Variants in SCRIB observed in about 807,000 individuals in gnomAD.
SCRIB encodes the protein scribble planar cell polarity protein.
In SCRIB, 72 loss-of-function variants were observed where a neutral mutation model predicts 170.0. The observed-to-expected ratio is 0.42, with a 90% CI of 0.35 to 0.52. SCRIB has a LOEUF of 0.52. Ranked by LOEUF, SCRIB falls within the 20% of genes least tolerant of loss-of-function variation. The probability of loss-of-function intolerance (pLI) is 0.02; values close to 1 mark genes in which losing one functional copy is unlikely to be tolerated. For missense variants in SCRIB, 2,475 were observed against 2,338.5 expected (o/e 1.06, Z -1.20); for synonymous variants, 1,298 against 1,044.3 (o/e 1.24, Z -4.68).
At chr8:143,801,563 C>T (rs1359680577) in intron 24 of SCRIB, among the ~76,000 whole-genome samples, 1 of 152,186 alleles carries the variant, frequency 6.6e-6, no homozygotes, top group East Asian at 1.9e-4. Flanking sequence ...AAAAGATAAG[C>T]AACCGCTGCA....
In SCRIB at chr8:143,791,728, T is replaced by C. The variant is rs1488179566; in HGVS notation, c.4708A>G (p.Lys1570Glu). 3 of 1,600,076 alleles carry C rather than the reference T, an allele frequency of 1.9e-6. No homozygotes were observed. The African/African-American group carries it at 4.0e-5, about 22-fold the overall frequency. Residue 1570 changes from lysine (K) to glutamate (E), a missense_variant, in exon 35 of 37, where the codon AAG becomes GAG. By Grantham distance (56) the Lys-to-Glu change is moderately conservative. This residue lies in a region of SCRIB where 1,966 missense variants were observed against 1,742.9 expected (regional missense o/e 1.13). Coordinates refer to ENST00000356994, the MANE Select transcript of SCRIB (RefSeq NM_182706.5). ...GCAAAGGCCCTGTAGTCAAACTTCTTTCCAGACAAGGGCTTGAAAGGACAG... is the reference window on the plus strand; with the variant it reads ...GCAAAGGCCCTGTAGTCAAACTTCTCTCCAGACAAGGGCTTGAAAGGACAG... ...TSPGRLPLSG[K>E]KFDYRAFAAL...
At position 143,813,408 on chromosome 8, in the gene SCRIB, C is replaced by CAGCCCTGGTCCCTGGGCTGT. The variant is rs1815847793; in HGVS notation, c.503+42_504-35dup. The CAGCCCTGGTCCCTGGGCTGT allele has an allele frequency of 3.7e-6, 6 of 1,613,216 alleles. No individual in the cohort carries two copies. In the African/African-American group the frequency reaches 6.7e-5, roughly 18 times the overall value. On this transcript the variant is annotated intron_variant, in intron 5 of 36. Coordinates refer to ENST00000356994, the MANE Select transcript of SCRIB (RefSeq NM_182706.5). ...GAAGCAGGGTGGAGGTGTGGCCACG[C>CAGCCCTGGTCCCTGGGCTGT]AGCCCTGGTCCCTGGGCTGTGGCCC...
chr8:143,813,035 G>A lies in SCRIB; in HGVS notation c.637C>T (p.Pro213Ser), dbSNP rs1815821699. ...WLDRNQLSAL[P>S]PELGNLRRLV... ...CCAGCCCCACCCTGACTCACCGGGG[G>A]CAGTGCTGACAGCTGGTTCCGGTCA... The change falls in exon 7 of 37, where the codon CCC (proline) becomes TCC (serine). Residue 213 changes from proline (P) to serine (S), a missense_variant. By Grantham distance (74) the Pro-to-Ser change is moderately conservative. Around this residue, in one of 3 missense-constraint regions of SCRIB, gnomAD observed 487 missense variants for 558.1 expected, o/e 0.87. Coordinates refer to ENST00000356994, the MANE Select transcript of SCRIB (RefSeq NM_182706.5). 3.8e-6 allele frequency: 6 copies of A among 1,599,588 alleles called. No individual in the cohort carries two copies. Among genetic ancestry groups the A allele is most frequent in the South Asian group, 1.1e-5 (1 of 89,300 alleles).
Position 143,804,954 on chromosome 8 carries a change from C to A in SCRIB, c.2731G>T (p.Val911Phe). The change falls in exon 20 of 37, where the codon GTT (valine) becomes TTT (phenylalanine). Residue 911 changes from valine to phenylalanine, a missense_variant. This residue lies in a region of SCRIB where 1,966 missense variants were observed against 1,742.9 expected (regional missense o/e 1.13). Transcript: ENST00000356994. ...CTCACAGAGAGGACGCGGTCGCCAACCTGCAGTGTGCCCGCGCGGTGAGCA... is the reference window on the plus strand; with the variant it reads ...CTCACAGAGAGGACGCGGTCGCCAAACTGCAGTGTGCCCGCGCGGTGAGCA... ...GAAHRAGTLQ[V>F]GDRVLSINGV... The A allele has an allele frequency of 6.4e-7, 1 of 1,573,068 alleles. No homozygotes were observed. Among genetic ancestry groups the A allele is most frequent in the Non-Finnish European group, 8.6e-7 (1 of 1,165,602 alleles).
At chr8:143,809,857 C>G (rs1009563345) in intron 13 of SCRIB, 139 bp from the exon 14 acceptor site, 1 of 960,304 alleles carries the variant, frequency 1.0e-6, no homozygotes, top group Admixed American at 2.5e-5. Context: ...CACGCCCTCG[C>G]AGCTGCTCCC....
intron 18 of SCRIB, 49 bp downstream of exon 18, chr8:143,806,358 C>A: frequency 6.9e-7 from 1 of 1,439,780 alleles, no homozygotes; most frequent in Middle Eastern, 1.7e-4. Context: ...GGACCATGTA[C>A]CTCCAGAGGG....
chr8:143,794,927 C>T (rs1814874321), intron 27 of SCRIB, 111 bp downstream of exon 27: 3 of 1,093,542 alleles, frequency 2.7e-6, no homozygotes, highest in Non-Finnish European at 4.0e-6. Flanking sequence ...TCCTCCCACC[C>T]CAGCCCCCGC....
chr8:143,815,183 CT>C, intron 1 of SCRIB, 30 bp downstream of exon 1: 1 of 1,539,086 alleles, frequency 6.5e-7, no homozygotes, highest in Non-Finnish European at 8.7e-7. Context: ...GGGGGCGCGC[CT>C]TTGGGCGGCA....
rs1483878975 is a variant in SCRIB at position 143,803,721 on chromosome 8, T to G, written c.3340A>C (p.Ser1114Arg). Residue 1114 changes from serine (S) to arginine (R), a missense_variant, in exon 23 of 37, where the codon AGC becomes CGC. Physicochemically the swap from Ser to Arg is moderately radical, Grantham distance 110. This residue lies in a region of SCRIB where 1,966 missense variants were observed against 1,742.9 expected (regional missense o/e 1.13). Transcript: ENST00000356994. ...QKAPGERLGI[S>R]IRGGARGHAG... Reference sequence around the variant, plus strand: ...TGGCCCCTGGCACCCCCGCGGATGCTGATGCCCAGCCTCTCCCCAGGTGCC... The same window carrying G: ...TGGCCCCTGGCACCCCCGCGGATGCGGATGCCCAGCCTCTCCCCAGGTGCC... The G allele has an allele frequency of 6.3e-7, 1 of 1,594,322 alleles. No homozygotes were observed. Among genetic ancestry groups the G allele is most frequent in the African/African-American group, 1.3e-5 (1 of 74,936 alleles).
rs781998900 is a variant in SCRIB at position 143,803,903 on chromosome 8, C to T, written c.3158G>A (p.Arg1053Gln). 1.7e-5 allele frequency: 27 copies of T among 1,591,526 alleles called. No individual in the cohort carries two copies. The highest frequency in any genetic ancestry group is 5.6e-5 in the South Asian group (5 of 88,818). Reference protein sequence around the residue: ...PRGLAARSGLRVGDRILAVNG... With the variant: ...PRGLAARSGLQVGDRILAVNG... ...CACTGCCAGGATGCGGTCCCCAACC[C>T]GCAGGCCGCTGCGAGCGGCCAGGCC... is the stretch of plus-strand genomic sequence containing the variant. The change falls in exon 23 of 37, where the codon CGG becomes CAG. Residue 1053 changes from arginine to glutamine, a missense_variant. Transcript: ENST00000356994.
intron 26 of SCRIB, 36 bp from the exon 27 acceptor site, chr8:143,795,148 G>A: frequency 6.2e-7 from 1 of 1,603,474 alleles, no homozygotes; most frequent in Non-Finnish European, 8.5e-7. Flanking sequence ...AGCAGGGGTA[G>A]CTCCGTGGCA....
intron 24 of SCRIB, among the ~76,000 whole-genome samples, chr8:143,796,032 A>C (rs1189084082): frequency 1.3e-5 from 2 of 152,116 alleles, no homozygotes; most frequent in Non-Finnish European, 2.9e-5. Context: ...CCCAGAGCTC[A>C]ATCACCTGTC....
In SCRIB at chr8:143,813,450, A is replaced by AG; in HGVS notation, c.503+19dup. 6.2e-7 allele frequency: 1 copy of AG among 1,613,146 alleles called. No individual in the cohort carries two copies. On this transcript the variant is annotated intron_variant, in intron 5 of 36. Coordinates refer to ENST00000356994, the MANE Select transcript of SCRIB (RefSeq NM_182706.5). ...CTGTGGCCCTGCCCTGGCTGTTAGG[A>AG]GAATGCCTGTCACACTCACGCTGGC...
intron 1 of SCRIB, chr8:143,814,780 C>G (rs1815977534): frequency 5.6e-6 from 1 of 180,144 alleles, no homozygotes; most frequent in Non-Finnish European, 1.2e-5. Flanking sequence ...GAAAGGGGGA[C>G]AGCGAACAGA....
intron 28 of SCRIB, chr8:143,793,364 C>G (rs985788714): frequency 7.1e-6 from 2 of 282,262 alleles, no homozygotes; most frequent in Non-Finnish European, 1.4e-5. Flanking sequence ...GTGGGGGCGG[C>G]GGGGGCAGAG....
At chr8:143,814,799 CAA>C (rs1815980162) in intron 1 of SCRIB, 1 of 193,846 alleles carries the variant, frequency 5.2e-6, no homozygotes, top group African/African-American at 2.3e-5. Flanking sequence ...GATCCGAGAG[CAA>C]AGAGTACATC....
At chr8:143,813,596 G>GT (rs780335468) in intron 4 of SCRIB, 41 bp downstream of exon 4, 1 of 1,611,902 alleles carries the variant, frequency 6.2e-7, no homozygotes, top group Non-Finnish European at 8.5e-7. Context: ...GCCAATCCTG[G>GT]TCCCCCACCC....
chr8:143,791,013 C>T lies in SCRIB; in HGVS notation c.*150G>A. On this transcript the variant is annotated 3_prime_UTR_variant, in exon 37 of 37. Coordinates refer to ENST00000356994, the MANE Select transcript of SCRIB (RefSeq NM_182706.5). ...ACTAGTTACAGTCTCGCCGAGGTCT[C>T]GGCTGGGGTGGGGCAGTTAGTTAGT... 3 of 763,962 alleles carry T rather than the reference C, an allele frequency of 3.9e-6. No individual in the cohort carries two copies. The highest frequency in any genetic ancestry group is 5.5e-6 in the Non-Finnish European group (3 of 546,818). 47.3% of individuals were successfully genotyped at this position (763,962 alleles called of 1,614,324 possible).
chr8:143,810,018 C>G (rs1243455359), intron 13 of SCRIB, among the ~76,000 whole-genome samples: 1 of 152,152 alleles, frequency 6.6e-6, no homozygotes, highest in East Asian at 1.9e-4. Flanking sequence ...GAACCTCCTC[C>G]CCTCCCATGC....
Sources: allele counts gnomAD v4.1 joint callset (sites outside exome capture counted in the v4.1 genomes callset), GRCh38; gene constraint gnomAD v4.1.1; regional missense constraint gnomAD v4.1.1; transcripts MANE v1.5; gene names NCBI Gene and HGNC (gene_info 2026-07-23, HGNC 2026-07-21).